The following RABGAP1L variants were observed in gnomAD, a reference collection of about 807,000 sequenced individuals.
RABGAP1L encodes the protein rab GTPase-activating protein 1-like.
Under a neutral mutation model 137.7 loss-of-function variants are expected in RABGAP1L, and 63 were observed. The observed-to-expected ratio is 0.46, with a 90% CI of 0.37 to 0.56. The LOEUF (loss-of-function observed/expected upper bound fraction) is 0.56, where lower values mean the gene tolerates loss of function less well. Among genes scored for constraint, RABGAP1L ranks in the 20% least tolerant of loss-of-function variants. The pLI, the probability that RABGAP1L is intolerant of heterozygous loss-of-function variation, is 0.00. For synonymous variants in RABGAP1L, 431 were observed against 433.7 expected (o/e 0.99, Z 0.08); for missense variants, 1,095 against 1,244.0 (o/e 0.88, Z 1.80).
intron 19 of RABGAP1L, among the ~76,000 whole-genome samples, chr1:174,910,762 G>A (rs947388675): frequency 6.6e-6 from 1 of 152,076 alleles, no homozygotes; most frequent in Non-Finnish European, 1.5e-5. Context: ...AGTCAGAGAC[G>A]ATCTGTGCAA....
At chr1:174,762,967 G>A (rs903922829) in intron 18 of RABGAP1L, among the ~76,000 whole-genome samples, 4 of 151,632 alleles carry the variant, frequency 2.6e-5, no homozygotes, top group African/African-American at 4.8e-5. Flanking sequence ...GGCATGCGCC[G>A]CCACACCTGG....
intron 13 of RABGAP1L, among the ~76,000 whole-genome samples, chr1:174,466,445 AT>A (rs1447234539): frequency 3.3e-5 from 5 of 152,050 alleles, no homozygotes; most frequent in African/African-American, 1.2e-4. Context: ...TCTAGTTCCC[AT>A]TTTTTCCCCT....
At chr1:174,682,000 G>A (rs962151779) in intron 14 of RABGAP1L, among the ~76,000 whole-genome samples, 1 of 152,128 alleles carries the variant, frequency 6.6e-6, no homozygotes, top group African/African-American at 2.4e-5. Flanking sequence ...TATTTGGCAG[G>A]CCGGGCATGG....
At chr1:174,163,909 G>A (rs774842800) in intron 1 of RABGAP1L, among the ~76,000 whole-genome samples, 4 of 152,214 alleles carry the variant, frequency 2.6e-5, no homozygotes, top group Non-Finnish European at 4.4e-5. Flanking sequence ...GTTCCAGTAG[G>A]TGATTCTTAG....
At chr1:174,821,435 G>A (rs766003635) in intron 19 of RABGAP1L, among the ~76,000 whole-genome samples, 1 of 152,114 alleles carries the variant, frequency 6.6e-6, no homozygotes, top group South Asian at 2.1e-4. Context: ...TATTGTGCTG[G>A]ACTATTTTCT....
rs544255067 is a variant in RABGAP1L, at chr1:174,296,831, TCTC to T, written c.1324-8152_1324-8150del. Among the ~76,000 whole-genome samples, 251 of 152,366 alleles carry T rather than the reference TCTC, an allele frequency of 1.6e-3. 2 individuals carry two copies. The highest frequency in any genetic ancestry group is 4.3e-3 in the South Asian group (21 of 4,830). Reference sequence around the variant, plus strand: ...AATGATTTAATGGGCTATTATTTCTTCTCCTGTTACTGGAAATAAATGTCATGC... The same window carrying T: ...AATGATTTAATGGGCTATTATTTCTTCTGTTACTGGAAATAAATGTCATGC... On this transcript the variant is annotated intron_variant, in intron 10 of 25. Transcript: ENST00000681986.
intron 9 of RABGAP1L, among the ~76,000 whole-genome samples, chr1:174,276,512 A>G (rs1325287813): frequency 1.3e-5 from 2 of 152,150 alleles, no homozygotes; most frequent in Admixed American, 1.3e-4. Context: ...CTATAGAGTT[A>G]TTTCATTTGT....
At chr1:174,961,692 A>C (rs1006900964) in intron 20 of RABGAP1L, among the ~76,000 whole-genome samples, 2 of 151,832 alleles carry the variant, frequency 1.3e-5, no homozygotes, top group Non-Finnish European at 2.9e-5. Flanking sequence ...TAAAAAATAT[A>C]AAAATTAGCT....
At chr1:174,870,355 TAC>T (rs570559938) in intron 19 of RABGAP1L, among the ~76,000 whole-genome samples, 107 of 152,344 alleles carry the variant, frequency 7.0e-4, no homozygotes, top group Non-Finnish European at 1.2e-3. Flanking sequence ...TTCATTCTAT[TAC>T]AGTCCTATAT....
chr1:174,944,381 C>A (rs1021025709), intron 19 of RABGAP1L, among the ~76,000 whole-genome samples: 38 of 150,950 alleles, frequency 2.5e-4, no homozygotes, highest in African/African-American at 9.2e-4. Flanking sequence ...TAGTGGCTTA[C>A]ACCTGTAATG....
At chr1:174,778,830 G>A (rs1243781921) in intron 18 of RABGAP1L, among the ~76,000 whole-genome samples, 1 of 152,036 alleles carries the variant, frequency 6.6e-6, no homozygotes, top group Admixed American at 6.5e-5. Flanking sequence ...TCCTGACCTT[G>A]TGATCCACCC....
At chr1:174,673,030 A>G (rs557899289) in intron 14 of RABGAP1L, among the ~76,000 whole-genome samples, 28 of 152,162 alleles carry the variant, frequency 1.8e-4, no homozygotes, top group Admixed American at 1.6e-3. Flanking sequence ...TTCTTTCTGT[A>G]TTCTCTCTTT....
At chr1:174,834,316 C>T (rs975954787) in intron 19 of RABGAP1L, among the ~76,000 whole-genome samples, 2 of 151,486 alleles carry the variant, frequency 1.3e-5, no homozygotes, top group Admixed American at 6.6e-5. Flanking sequence ...ATCCCAGCTA[C>T]TTGGGAGGCT....
rs1216259037 is a variant in RABGAP1L at position 174,630,810 on chromosome 1, T to C, written c.1711-6565T>C. ...TTTTCTTTATTAGTCTTGCTAGTGGTCTATCAATTTTGTTGATCCTTTCAA... is the reference window on the plus strand; with the variant it reads ...TTTTCTTTATTAGTCTTGCTAGTGGCCTATCAATTTTGTTGATCCTTTCAA... On this transcript the variant is annotated intron_variant, in intron 13 of 25. Transcript: ENST00000681986. Among the ~76,000 whole-genome samples, 764 of 141,624 alleles carry C rather than the reference T, an allele frequency of 5.4e-3. 25 individuals carry two copies. Among genetic ancestry groups the C allele is most frequent in the African/African-American group, 0.019 (727 of 37,754 alleles). The allele number at this position is 141,624 out of a possible 152,430, so 92.9% of individuals were successfully genotyped here.
chr1:174,179,370 C>T (rs1666162718), intron 1 of RABGAP1L, among the ~76,000 whole-genome samples: 1 of 152,216 alleles, frequency 6.6e-6, no homozygotes, highest in South Asian at 2.1e-4. Context: ...GTTAATTTAA[C>T]TTGCCACTCA....
intron 15 of RABGAP1L, among the ~76,000 whole-genome samples, chr1:174,692,618 T>C (rs1671778156): frequency 6.6e-6 from 1 of 152,180 alleles, no homozygotes; most frequent in Non-Finnish European, 1.5e-5. Flanking sequence ...CTTCATGTTA[T>C]CAACTTAAAT....
chr1:174,193,921 A>G (rs1038262570), intron 1 of RABGAP1L, among the ~76,000 whole-genome samples: 11 of 152,224 alleles, frequency 7.2e-5, no homozygotes, highest in Non-Finnish European at 2.9e-5. Flanking sequence ...TGTTCTAAGC[A>G]CTTATGGTAA....
rs879145275 is a variant in RABGAP1L, at chr1:174,313,999, A to G, written c.1465+8872A>G. ...TGATATGCGTTTGTCTGGTTTTGGT[A>G]TCAGGGTAATACTGGCCTTGTAGAA... On this transcript the variant is annotated intron_variant, in intron 11 of 25. Transcript: ENST00000681986. 2.0e-5 allele frequency among the ~76,000 whole-genome samples: 3 copies of G among 152,098 alleles called. No homozygotes were observed. In the South Asian group the frequency reaches 6.2e-4, roughly 32 times the overall value.
chr1:174,782,151 T>C (rs1687063037), intron 18 of RABGAP1L, among the ~76,000 whole-genome samples: 1 of 152,212 alleles, frequency 6.6e-6, no homozygotes, highest in South Asian at 2.1e-4. Context: ...ATAAATTACC[T>C]TGGGCAGTAT....
Sources: gnomAD v4.1 joint callset for allele counts (sites outside exome capture counted in the v4.1 genomes callset) on GRCh38, gnomAD v4.1.1 for gene constraint, MANE v1.5 for transcripts, NCBI Gene and HGNC (gene_info 2026-07-23, HGNC 2026-07-21) for gene names.